The following KATNIP variants were observed in gnomAD, a reference collection of about 807,000 sequenced individuals.
KATNIP encodes katanin-interacting protein.
Under a neutral mutation model 174.0 loss-of-function variants are expected in KATNIP, and 126 were observed. That is an observed-to-expected ratio of 0.72 (90% CI 0.63 to 0.84). KATNIP has a LOEUF of 0.84. KATNIP is among the 40% of genes least tolerant of loss of function. The pLI, the probability that KATNIP is intolerant of heterozygous loss-of-function variation, is 0.00. For missense variants in KATNIP, 1,958 were observed against 2,109.7 expected (o/e 0.93, Z 1.41); for synonymous variants, 810 against 835.7 (o/e 0.97, Z 0.53).
intron 7 of KATNIP, 142 bp from the exon 8 acceptor site, chr16:27,681,257 C>A: frequency 9.3e-7 from 1 of 1,075,174 alleles, no homozygotes. Flanking sequence ...GCATTATTCA[C>A]ATCTCTAATC....
chr16:27,694,528 G>A (rs1444877174), intron 8 of KATNIP, among the ~76,000 whole-genome samples: 1 of 152,148 alleles, frequency 6.6e-6, no homozygotes, highest in African/African-American at 2.4e-5. Flanking sequence ...AGGCACGGTG[G>A]CTCATGCCTG....
At chr16:27,663,152 CTTTTTTTTTTTT>C (rs11440523) in intron 6 of KATNIP, among the ~76,000 whole-genome samples, 1 of 80,046 alleles carries the variant, frequency 1.2e-5, no homozygotes, top group Non-Finnish European at 2.5e-5. Context: ...TTTTCTTCTT[CTTTTTTTTTTTT>C]TTTTTTTTTT....
intron 2 of KATNIP, among the ~76,000 whole-genome samples, chr16:27,587,730 G>C (rs958173642): frequency 1.3e-5 from 2 of 152,150 alleles, no homozygotes; most frequent in Non-Finnish European, 2.9e-5. Flanking sequence ...ATTGAGTACT[G>C]TACTCAAAGT....
intron 20 of KATNIP, 129 bp from the exon 21 acceptor site, chr16:27,769,732 C>T (rs888219593): frequency 1.0e-5 from 11 of 1,078,888 alleles, no homozygotes; most frequent in African/African-American, 3.1e-5. Flanking sequence ...AAATGGACCT[C>T]GGTCAGGTGG....
At chr16:27,639,200 G>A (rs1448613166) in intron 5 of KATNIP, among the ~76,000 whole-genome samples, 1 of 152,170 alleles carries the variant, frequency 6.6e-6, no homozygotes, top group South Asian at 2.1e-4. Context: ...CCAAGAAGCC[G>A]ATGACTTCCA....
chr16:27,590,982 G>C (rs563535767), intron 2 of KATNIP, among the ~76,000 whole-genome samples: 1 of 152,162 alleles, frequency 6.6e-6, no homozygotes, highest in Non-Finnish European at 1.5e-5. Flanking sequence ...CTGTGGACTC[G>C]GGTAGGAGAG....
At chr16:27,556,046 G>A (rs908116886) in intron 1 of KATNIP, among the ~76,000 whole-genome samples, 1 of 151,742 alleles carries the variant, frequency 6.6e-6, no homozygotes, top group African/African-American at 2.4e-5. Context: ...AGAATTGCTT[G>A]AACCTGGGAG....
intron 14 of KATNIP, among the ~76,000 whole-genome samples, chr16:27,722,047 G>C (rs1211844531): frequency 6.6e-6 from 1 of 152,224 alleles, no homozygotes; most frequent in African/African-American, 2.4e-5. Context: ...CCTGCATTTG[G>C]ACTCCAGGCC....
intron 6 of KATNIP, among the ~76,000 whole-genome samples, chr16:27,663,312 C>T (rs938937622): frequency 6.6e-6 from 1 of 151,316 alleles, no homozygotes; most frequent in Non-Finnish European, 1.5e-5. Context: ...AATTTTCATA[C>T]TATTTTCTAA....
chr16:27,624,865 A>C (rs1196860276), intron 3 of KATNIP, among the ~76,000 whole-genome samples: 1 of 152,232 alleles, frequency 6.6e-6, no homozygotes, highest in African/African-American at 2.4e-5. Flanking sequence ...CTCATTCAGC[A>C]GGCACCATGG....
At chr16:27,695,854 G>A (rs2078895431) in intron 8 of KATNIP, among the ~76,000 whole-genome samples, 1 of 152,070 alleles carries the variant, frequency 6.6e-6, no homozygotes, top group Non-Finnish European at 1.5e-5. Flanking sequence ...CCGCCCCAAT[G>A]TATCCATCCA....
intron 19 of KATNIP, among the ~76,000 whole-genome samples, chr16:27,766,038 A>T (rs1202032273): frequency 7.4e-5 from 11 of 148,112 alleles, no homozygotes; most frequent in African/African-American, 2.5e-4. Context: ...TTTCCCTTTT[A>T]AAAAAAAAAC....
chr16:27,571,308 CAGG>C (rs1322735351), intron 1 of KATNIP, among the ~76,000 whole-genome samples: 2 of 152,218 alleles, frequency 1.3e-5, no homozygotes, highest in African/African-American at 4.8e-5. Context: ...GTTAGAATTA[CAGG>C]CATGAGCCAC....
At chr16:27,613,114 A>G (rs912059337) in intron 2 of KATNIP, among the ~76,000 whole-genome samples, 4 of 151,846 alleles carry the variant, frequency 2.6e-5, no homozygotes, top group African/African-American at 9.7e-5. Flanking sequence ...CAAAAAAAGA[A>G]AAAAGAAAAA....
intron 15 of KATNIP, among the ~76,000 whole-genome samples, chr16:27,745,070 T>A (rs2081240145): frequency 1.3e-5 from 2 of 152,254 alleles, no homozygotes. Flanking sequence ...AGAAATCTTA[T>A]GCTCAGCAGA....
intron 8 of KATNIP, among the ~76,000 whole-genome samples, chr16:27,686,556 G>A (rs182158446): frequency 7.2e-5 from 11 of 152,280 alleles, no homozygotes; most frequent in Admixed American, 6.5e-4. Context: ...TTTAATGGGA[G>A]CATTCAGTCC....
chr16:27,778,426 G>A, intron 27 of KATNIP, 148 bp from the exon 28 acceptor site: 2 of 733,702 alleles, frequency 2.7e-6, no homozygotes, highest in Admixed American at 2.4e-5. Context: ...GAGGGAAGGG[G>A]CCAGCGTGCC....
intron 14 of KATNIP, among the ~76,000 whole-genome samples, chr16:27,731,580 G>A (rs549871680): frequency 6.6e-6 from 1 of 152,062 alleles, no homozygotes; most frequent in Non-Finnish European, 1.5e-5. Context: ...TGACTACCAG[G>A]CAGTCTGGTG....
intron 19 of KATNIP, among the ~76,000 whole-genome samples, chr16:27,762,865 T>C (rs2081999802): frequency 6.6e-6 from 1 of 152,212 alleles, no homozygotes; most frequent in Non-Finnish European, 1.5e-5. Context: ...CAACGCACAG[T>C]GCGGCTTATG....
Sources: gnomAD v4.1 joint callset for allele counts (sites outside exome capture counted in the v4.1 genomes callset) on GRCh38, gnomAD v4.1.1 for gene constraint, MANE v1.5 for transcripts, NCBI Gene and HGNC (gene_info 2026-07-23, HGNC 2026-07-21) for gene names.